CARMIL1: variants seen among roughly 807,000 people sequenced by gnomAD.
CARMIL1 encodes the protein capping protein regulator and myosin 1 linker 1.
In CARMIL1, 90 loss-of-function variants were observed where a neutral mutation model predicts 177.1. The observed-to-expected ratio is 0.51, with a 90% confidence interval of 0.43 to 0.61. CARMIL1 has a LOEUF of 0.61. Ranked by LOEUF, CARMIL1 falls within the 20% of genes least tolerant of loss-of-function variation. The pLI, the probability that CARMIL1 is intolerant of heterozygous loss-of-function variation, is 0.00. For missense variants in CARMIL1, 1,380 were observed against 1,667.0 expected (o/e 0.83, Z 3.00); for synonymous variants, 577 against 606.2 (o/e 0.95, Z 0.71).
chr6:25,558,854 G>A lies in CARMIL1; in HGVS notation c.2742+2004G>A, dbSNP rs1272314336. ...ACACAAGAGCTCTTCATCAAAAAAAGAATATATAGGTAGGCATGAGTTTTT... is the reference window on the plus strand; with the variant it reads ...ACACAAGAGCTCTTCATCAAAAAAAAAATATATAGGTAGGCATGAGTTTTT... On this transcript the variant is annotated intron_variant, in intron 29 of 36. Coordinates refer to ENST00000329474, the MANE Select transcript of CARMIL1 (RefSeq NM_017640.6). This position sits in a 1 kb window ranked among gnomAD's most constrained non-coding sequence, Gnocchi z 4.1. 6.6e-6 allele frequency among the ~76,000 whole-genome samples: 1 copy of A among 152,098 alleles called. No individual in the cohort carries two copies. Among genetic ancestry groups the A allele is most frequent in the Non-Finnish European group, 1.5e-5 (1 of 68,016 alleles).
chr6:25,460,748 A>G (rs1177908375), intron 8 of CARMIL1, among the ~76,000 whole-genome samples: 1 of 152,198 alleles, frequency 6.6e-6, no homozygotes, highest in African/African-American at 2.4e-5. Flanking sequence ...TATCCATTCT[A>G]GTGAATGTTG....
intron 24 of CARMIL1, among the ~76,000 whole-genome samples, chr6:25,536,361 G>A (rs1808302019): frequency 6.6e-6 from 1 of 152,064 alleles, no homozygotes; most frequent in African/African-American, 2.4e-5. Context: ...ACAATCAGAG[G>A]CAGGAATCAT....
chr6:25,542,348 A>G (rs1301827016), intron 26 of CARMIL1, among the ~76,000 whole-genome samples: 1 of 152,236 alleles, frequency 6.6e-6, no homozygotes, highest in East Asian at 1.9e-4. Context: ...TTTAAAGCCT[A>G]AAATAATATA....
At chr6:25,499,990 G>A (rs891924034) in intron 16 of CARMIL1, among the ~76,000 whole-genome samples, 176 bp from the exon 17 acceptor site, 6 of 152,236 alleles carry the variant, frequency 3.9e-5, no homozygotes, top group Non-Finnish European at 5.9e-5. Context: ...GTTTTTCACT[G>A]TAGTTGTGAG....
intron 5 of CARMIL1, among the ~76,000 whole-genome samples, chr6:25,439,355 A>G (rs150844731): frequency 1.1e-4 from 16 of 152,278 alleles, no homozygotes; most frequent in South Asian, 2.1e-4. Context: ...AGTTGGAGCA[A>G]AGGTGAGTGC....
rs1348374555 is a variant in CARMIL1 at position 25,482,496 on chromosome 6, AC to A, written c.961+154del. The stretch of plus-strand genomic sequence containing the variant: ...TTACTCTGGCAGTTTGAAGATAAAG[AC>A]TTTATGTAATTCAATTTTTGATGCT... On this transcript the variant is annotated intron_variant, in intron 12 of 36. Transcript: ENST00000329474. Among the ~76,000 whole-genome samples the A allele has an allele frequency of 2.0e-5, 3 of 152,350 alleles. 1 individual carries two copies. Among genetic ancestry groups the A allele is most frequent in the Admixed American group, 6.5e-5 (1 of 15,306 alleles).
chr6:25,465,971 A>C (rs1278523256), intron 9 of CARMIL1, 23 bp downstream of exon 9: 2 of 1,555,596 alleles, frequency 1.3e-6, no homozygotes, highest in Admixed American at 1.7e-5. Context: ...ACATGCAGCA[A>C]ATGTTGCTTG....
At chr6:25,459,255 T>G (rs989842838) in intron 8 of CARMIL1, among the ~76,000 whole-genome samples, 1 of 119,432 alleles carries the variant, frequency 8.4e-6, no homozygotes, top group East Asian at 2.6e-4. Context: ...TCTTTCTTTC[T>G]TTCTTTCTTT....
intron 33 of CARMIL1, 144 bp from the exon 34 acceptor site, chr6:25,604,668 A>G (rs375285324): frequency 4.6e-6 from 3 of 653,904 alleles, no homozygotes; most frequent in South Asian, 3.7e-5. Context: ...CAGAGAGCCT[A>G]TGGAGACAGG....
At chr6:25,595,998 A>G (rs1814801590) in intron 32 of CARMIL1, among the ~76,000 whole-genome samples, 1 of 152,134 alleles carries the variant, frequency 6.6e-6, no homozygotes, top group African/African-American at 2.4e-5. Context: ...TACAGATACT[A>G]TTGTTTGCTC....
At chr6:25,456,959 C>A (rs932370338) in intron 8 of CARMIL1, among the ~76,000 whole-genome samples, 1 of 149,324 alleles carries the variant, frequency 6.7e-6, no homozygotes, top group East Asian at 2.0e-4. Context: ...ACACTGCTGT[C>A]ATTTTTTCCT....
chr6:25,470,236 G>A (rs1359496935), intron 9 of CARMIL1, among the ~76,000 whole-genome samples: 2 of 152,034 alleles, frequency 1.3e-5, no homozygotes, highest in African/African-American at 2.4e-5. Flanking sequence ...TGTTCATCAA[G>A]TACTTATTTA....
At chr6:25,283,916 C>T (rs776702432) in intron 1 of CARMIL1, among the ~76,000 whole-genome samples, 1 of 151,914 alleles carries the variant, frequency 6.6e-6, no homozygotes, top group Admixed American at 6.6e-5. Flanking sequence ...CAGGGTTTAT[C>T]CATGTTGGCC....
intron 11 of CARMIL1, among the ~76,000 whole-genome samples, chr6:25,480,461 T>C (rs1801980517): frequency 6.6e-6 from 1 of 151,772 alleles, no homozygotes; most frequent in African/African-American, 2.4e-5. Context: ...TTATTGCAGC[T>C]ACATCAGATT....
intron 2 of CARMIL1, among the ~76,000 whole-genome samples, chr6:25,348,439 G>A (rs981600714): frequency 1.3e-5 from 2 of 151,760 alleles, no homozygotes; most frequent in South Asian, 2.1e-4. Flanking sequence ...GCTGTTAAAC[G>A]CGCTTCTAAT....
chr6:25,445,620 C>T (rs1382589839), intron 5 of CARMIL1, among the ~76,000 whole-genome samples: 7 of 151,358 alleles, frequency 4.6e-5, no homozygotes, highest in African/African-American at 1.2e-4. Flanking sequence ...CTGCAAGCTC[C>T]GCCTCCCAGG....
chr6:25,539,833 C>A, intron 25 of CARMIL1, 114 bp from the exon 26 acceptor site: 1 of 794,618 alleles, frequency 1.3e-6, no homozygotes, highest in Non-Finnish European at 1.9e-6. Context: ...GAGCCTTTGA[C>A]TGAGAAGAGA....
chr6:25,448,929 T>TC (rs1236118770), intron 5 of CARMIL1, among the ~76,000 whole-genome samples: 2 of 151,258 alleles, frequency 1.3e-5, no homozygotes, highest in Admixed American at 1.3e-4. Flanking sequence ...TTTTTTTTTT[T>TC]TTTTGGAGAG....
intron 8 of CARMIL1, among the ~76,000 whole-genome samples, chr6:25,461,288 T>G (rs1339815457): frequency 6.6e-6 from 1 of 152,242 alleles, no homozygotes; most frequent in Non-Finnish European, 1.5e-5. Context: ...CTACCTTGCG[T>G]GCATGAAGTC....
Sources: allele counts gnomAD v4.1 joint callset (sites outside exome capture counted in the v4.1 genomes callset), GRCh38; gene constraint gnomAD v4.1.1; non-coding constraint Gnocchi (gnomAD v3.1); transcripts MANE v1.5; gene names NCBI Gene and HGNC (gene_info 2026-07-23, HGNC 2026-07-21).